Variants in DGKD observed in about 807,000 individuals in gnomAD.
DGKD encodes DAG kinase delta.
Under a neutral mutation model 154.4 loss-of-function variants are expected in DGKD, and 68 were observed. That is an observed-to-expected ratio of 0.44 (90% CI 0.36 to 0.54). The LOEUF (loss-of-function observed/expected upper bound fraction) is 0.54, where lower values mean the gene tolerates loss of function less well. DGKD is among the 20% of genes least tolerant of loss of function. The probability of loss-of-function intolerance (pLI) is 0.00; values close to 1 mark genes in which losing one functional copy is unlikely to be tolerated. For synonymous variants in DGKD, 693 were observed against 638.0 expected (o/e 1.09, Z -1.30); for missense variants, 1,343 against 1,593.6 (o/e 0.84, Z 2.68).
chr2:233,380,814 T>TAAAAAA, intron 1 of DGKD, among the ~76,000 whole-genome samples: 1 of 152,276 alleles, frequency 6.6e-6, no homozygotes, highest in African/African-American at 2.4e-5. Flanking sequence ...TACACATCGT[T>TAAAAAA]GCCACTTTTT....
chr2:233,379,277 A>G (rs1702757255), intron 1 of DGKD, among the ~76,000 whole-genome samples: 1 of 152,138 alleles, frequency 6.6e-6, no homozygotes, highest in Non-Finnish European at 1.5e-5. Flanking sequence ...TTCCCAGCCA[A>G]GAGAAGAGGA....
intron 7 of DGKD, 93 bp downstream of exon 7, chr2:233,436,534 C>T (rs948801932): frequency 6.7e-6 from 10 of 1,488,048 alleles, no homozygotes; most frequent in Non-Finnish European, 8.9e-6. Context: ...CTGCTGGATC[C>T]TGGTAAATTA....
rs202198525 is a variant in DGKD, at chr2:233,459,834, G to T, written c.2772G>T (p.Pro924=). The change falls in exon 23 of 30, where the codon CCG becomes CCT. Residue 924 remains proline (P), a synonymous_variant. Coordinates refer to ENST00000264057, the MANE Select transcript of DGKD (RefSeq NM_152879.3). The surrounding 1 kb of genome is among the most constrained non-coding windows in gnomAD (Gnocchi z 5.7). Reference sequence around the variant, plus strand: ...TGGACGGAGAGGCCTGGGTCCAGCCGCCAGGGTACATTCGGATTGTCCACA... The same window carrying T: ...TGGACGGAGAGGCCTGGGTCCAGCCTCCAGGGTACATTCGGATTGTCCACA... The part of the protein sequence containing the change: ...VQVDGEAWVQ[P]PGYIRIVHKN... 4 of 1,614,092 alleles carry T rather than the reference G, an allele frequency of 2.5e-6. No homozygotes were observed. The Admixed American group carries it at 6.7e-5, about 27-fold the overall frequency.
In DGKD at chr2:233,451,864, C is replaced by T. The variant is rs371706995; in HGVS notation, c.2168-100C>T. On this transcript the variant is annotated intron_variant, in intron 17 of 29. Transcript: ENST00000264057. ...TTTTAGAAACATTTAATTATAATAACGTTCTGCAGAATACCGGTCCACCAG... is the reference window on the plus strand; with the variant it reads ...TTTTAGAAACATTTAATTATAATAATGTTCTGCAGAATACCGGTCCACCAG... 9.4e-6 allele frequency: 9 copies of T among 961,758 alleles called. No individual in the cohort carries two copies. In the Admixed American group the frequency reaches 9.4e-5, roughly 10 times the overall value. The allele number at this position is 961,758 out of a possible 1,614,324, so 59.6% of individuals were successfully genotyped here.
intron 12 of DGKD, chr2:233,447,678 G>A (rs2063129422): frequency 9.7e-7 from 1 of 1,027,960 alleles, no homozygotes; most frequent in Non-Finnish European, 1.2e-6. Context: ...ACAGATGGTG[G>A]GGGCAGGAGT....
intron 1 of DGKD, among the ~76,000 whole-genome samples, chr2:233,372,683 G>GT (rs1702383386): frequency 6.6e-6 from 1 of 151,800 alleles, no homozygotes; most frequent in Non-Finnish European, 1.5e-5. Flanking sequence ...AATTGTCTGT[G>GT]TTTTTATATC....
At chr2:233,435,985 A>G in intron 6 of DGKD, 61 bp downstream of exon 6, 1 of 1,476,962 alleles carries the variant, frequency 6.8e-7, no homozygotes, top group Non-Finnish European at 9.2e-7. Context: ...GCACGGCCCC[A>G]TGCAAGCCTC....
Position 233,449,521 on chromosome 2 carries a change from C to G in DGKD, c.1888+145C>G. ...TCCACCCATGTCCAGGCACCAGACCCCCAACGAGTTCGCTTGCCCTCCTTC... is the reference window on the plus strand; with the variant it reads ...TCCACCCATGTCCAGGCACCAGACCGCCAACGAGTTCGCTTGCCCTCCTTC... On this transcript the variant is annotated intron_variant, in intron 15 of 29. Coordinates refer to ENST00000264057, the MANE Select transcript of DGKD (RefSeq NM_152879.3). This position sits in a 1 kb window ranked among gnomAD's most constrained non-coding sequence, Gnocchi z 5.3. 8.3e-7 allele frequency: 1 copy of G among 1,201,894 alleles called. No individual in the cohort carries two copies. Among genetic ancestry groups the G allele is most frequent in the African/African-American group, 1.5e-5 (1 of 65,336 alleles). 74.5% of individuals were successfully genotyped at this position (1,201,894 alleles called of 1,614,324 possible).
chr2:233,417,341 G>A (rs1367378104), intron 3 of DGKD, among the ~76,000 whole-genome samples: 2 of 152,120 alleles, frequency 1.3e-5, no homozygotes, highest in African/African-American at 4.8e-5. Flanking sequence ...CCCCCCTTGT[G>A]CATTTTTTAA....
chr2:233,370,954 G>A lies in DGKD; in HGVS notation c.156+16280G>A, dbSNP rs79711021. On this transcript the variant is annotated intron_variant, in intron 1 of 29. Transcript: ENST00000264057. Reference sequence around the variant, plus strand: ...TTTTGTAGAGATGAGGTCTTGCTGTGTTATCCAGGTTGGTCTCGAACACTC... The same window carrying A: ...TTTTGTAGAGATGAGGTCTTGCTGTATTATCCAGGTTGGTCTCGAACACTC... 3.3e-5 allele frequency among the ~76,000 whole-genome samples: 5 copies of A among 152,018 alleles called. No homozygotes were observed. In the East Asian group the frequency reaches 5.8e-4, roughly 18 times the overall value.
At chr2:233,439,720 C>A (rs1320525310) in intron 9 of DGKD, among the ~76,000 whole-genome samples, 1 of 151,994 alleles carries the variant, frequency 6.6e-6, no homozygotes, top group African/African-American at 2.4e-5. Context: ...TACCACTATG[C>A]CCAGCTAATT....
At chr2:233,373,984 C>T (rs200759445) in intron 1 of DGKD, among the ~76,000 whole-genome samples, 2 of 151,798 alleles carry the variant, frequency 1.3e-5, no homozygotes, top group East Asian at 3.9e-4. Context: ...ATAATTTGTA[C>T]ATCATGTAAC....
At chr2:233,383,995 G>A (rs1056027103) in intron 1 of DGKD, among the ~76,000 whole-genome samples, 1 of 152,152 alleles carries the variant, frequency 6.6e-6, no homozygotes, top group African/African-American at 2.4e-5. Flanking sequence ...AAATGCATTT[G>A]CTGATGTGGC....
intron 19 of DGKD, among the ~76,000 whole-genome samples, chr2:233,455,400 G>A (rs569978277): frequency 2.4e-4 from 37 of 152,294 alleles, no homozygotes; most frequent in African/African-American, 8.7e-4. Context: ...ACTCAGTCCT[G>A]GCCTGAAGAG....
At chr2:233,442,058 T>C (rs772014565) in intron 10 of DGKD, 63 bp downstream of exon 10, 5 of 1,383,088 alleles carry the variant, frequency 3.6e-6, no homozygotes, top group South Asian at 1.2e-5. Flanking sequence ...AGGGAAATCA[T>C]GCAGTCTCAG....
At chr2:233,446,926 C>T (rs780727861) in intron 12 of DGKD, 130 bp downstream of exon 12, 25 of 1,066,200 alleles carry the variant, frequency 2.3e-5, no homozygotes, top group South Asian at 9.4e-5. Flanking sequence ...GTCAGGCCTG[C>T]GGAGGCGCAG....
intron 3 of DGKD, among the ~76,000 whole-genome samples, chr2:233,394,324 C>A (rs1453229524): frequency 6.6e-6 from 1 of 151,930 alleles, no homozygotes; most frequent in African/African-American, 2.4e-5. Context: ...CTCACTGCAG[C>A]CTTAAACTCC....
chr2:233,461,498 C>G (rs557458928), intron 24 of DGKD, among the ~76,000 whole-genome samples: 1 of 152,384 alleles, frequency 6.6e-6, no homozygotes, highest in East Asian at 1.9e-4. Context: ...GCGCTGCATT[C>G]TCTGCCCCAG....
chr2:233,454,630 A>T, intron 18 of DGKD, 133 bp from the exon 19 acceptor site: 1 of 615,888 alleles, frequency 1.6e-6, no homozygotes, highest in South Asian at 2.0e-5. Context: ...GTATATCTTA[A>T]TAAATCTCTT....
Sources: allele counts gnomAD v4.1 joint callset (sites outside exome capture counted in the v4.1 genomes callset), GRCh38; gene constraint gnomAD v4.1.1; non-coding constraint Gnocchi (gnomAD v3.1); transcripts MANE v1.5; gene names NCBI Gene and HGNC (gene_info 2026-07-23, HGNC 2026-07-21).